The following PHACTR4 variants were observed in gnomAD, a reference collection of about 807,000 sequenced individuals.
PHACTR4 encodes protein phosphatase 1, regulatory subunit 124.
In PHACTR4, 51 loss-of-function variants were observed where a neutral mutation model predicts 72.7. The ratio of observed to expected loss-of-function variants is 0.70; its 90% CI spans 0.56 to 0.89. PHACTR4 has a LOEUF of 0.89. PHACTR4 is among the 40% of genes least tolerant of loss of function. The probability of loss-of-function intolerance (pLI) is 0.00; values close to 1 mark genes in which losing one functional copy is unlikely to be tolerated. For missense variants in PHACTR4, 731 were observed against 861.8 expected (o/e 0.85, Z 1.90); for synonymous variants, 255 against 302.5 (o/e 0.84, Z 1.63).
At chr1:28,417,330 A>G (rs777696352) in intron 2 of PHACTR4, among the ~76,000 whole-genome samples, 1 of 152,198 alleles carries the variant, frequency 6.6e-6, no homozygotes, top group Non-Finnish European at 1.5e-5. Flanking sequence ...TCCTGTATAT[A>G]CATACATACA....
At chr1:28,463,246 G>C (rs1658934625) in intron 4 of PHACTR4, among the ~76,000 whole-genome samples, 1 of 151,874 alleles carries the variant, frequency 6.6e-6, no homozygotes, top group Non-Finnish European at 1.5e-5. Flanking sequence ...GTGCTAACTT[G>C]ACTGTACTGT....
intron 2 of PHACTR4, among the ~76,000 whole-genome samples, chr1:28,440,380 C>G (rs78843553): frequency 4.8e-4 from 62 of 129,452 alleles, no homozygotes; most frequent in African/African-American, 1.8e-3. Context: ...AAGTAAGAAT[C>G]AAATTCATCA....
intron 9 of PHACTR4, among the ~76,000 whole-genome samples, chr1:28,488,894 A>G (rs1460744814): frequency 6.6e-6 from 1 of 152,170 alleles, no homozygotes. Context: ...GGTCTAACTG[A>G]ACTTTTTTGT....
At chr1:28,394,605 T>C (rs1277908980) in intron 1 of PHACTR4, among the ~76,000 whole-genome samples, 8 of 151,614 alleles carry the variant, frequency 5.3e-5, no homozygotes, top group Admixed American at 2.6e-4. Context: ...TTTCTTTTTT[T>C]TTTTTTTGGA....
At chr1:28,380,999 ATTTTTTGAATTTTT>A (rs1215649856) in intron 1 of PHACTR4, among the ~76,000 whole-genome samples, 2 of 139,798 alleles carry the variant, frequency 1.4e-5, no homozygotes, top group Non-Finnish European at 3.0e-5. Flanking sequence ...CGCCAGCATT[ATTTTTTGAATTTTT>A]TTTTTTTTTT....
At chr1:28,389,915 T>A (rs1407804286) in intron 1 of PHACTR4, among the ~76,000 whole-genome samples, 1 of 152,186 alleles carries the variant, frequency 6.6e-6, no homozygotes, top group African/African-American at 2.4e-5. Flanking sequence ...ATCTGTACGC[T>A]CATGTTCATT....
At chr1:28,450,091 G>A (rs1244105480) in intron 2 of PHACTR4, among the ~76,000 whole-genome samples, 1 of 151,974 alleles carries the variant, frequency 6.6e-6, no homozygotes, top group African/African-American at 2.4e-5. Flanking sequence ...ACTCCAAACT[G>A]TAATTTGGTT....
chr1:28,372,902 T>C (rs1430660054), intron 1 of PHACTR4, among the ~76,000 whole-genome samples: 1 of 151,880 alleles, frequency 6.6e-6, no homozygotes, highest in East Asian at 1.9e-4. Flanking sequence ...GCAGTTACTA[T>C]TGACTATTGC....
chr1:28,487,537 A>AAAAAG (rs1553205919), intron 9 of PHACTR4, among the ~76,000 whole-genome samples: 2 of 146,372 alleles, frequency 1.4e-5, no homozygotes, highest in Admixed American at 6.8e-5. Context: ...AAAAAAAAAA[A>AAAAAG]GGAAGGTCTT....
intron 1 of PHACTR4, among the ~76,000 whole-genome samples, chr1:28,371,398 G>A (rs975706136): frequency 2.0e-5 from 3 of 152,102 alleles, no homozygotes; most frequent in Non-Finnish European, 4.4e-5. Flanking sequence ...AGGTTGAAGC[G>A]ATTCTCCTGC....
intron 2 of PHACTR4, among the ~76,000 whole-genome samples, chr1:28,425,315 C>T (rs977072179): frequency 1.3e-5 from 2 of 151,564 alleles, no homozygotes; most frequent in Admixed American, 6.6e-5. Context: ...GACAGGGTTT[C>T]ACCATGTTGG....
rs1659723032 is a variant in PHACTR4, at chr1:28,473,648, C to A, written c.918C>A (p.Pro306=). The A allele has an allele frequency of 6.2e-7, 1 of 1,614,052 alleles. No individual in the cohort carries two copies. Among genetic ancestry groups the A allele is most frequent in the Admixed American group, 1.7e-5 (1 of 59,996 alleles). ...PKRGIPSTSV[P]TLESAAAITT... The stretch of plus-strand genomic sequence containing the variant: ...GAGGCATTCCATCAACCTCAGTACC[C>A]ACCTTGGAGTCTGCTGCTGCCATCA... Residue 306 remains proline (P), a synonymous_variant, in exon 7 of 14, where the codon CCC becomes CCA. Coordinates refer to ENST00000373839, the MANE Select transcript of PHACTR4 (RefSeq NM_001048183.3).
intron 2 of PHACTR4, among the ~76,000 whole-genome samples, chr1:28,417,948 C>CAAAAAAA (rs745690078): frequency 1.2e-5 from 1 of 83,498 alleles, no homozygotes; most frequent in Non-Finnish European, 2.5e-5. Flanking sequence ...GGAGACCCTA[C>CAAAAAAA]AAAAAAAAAA....
intron 1 of PHACTR4, among the ~76,000 whole-genome samples, chr1:28,397,606 T>C (rs941958208): frequency 6.6e-6 from 1 of 152,204 alleles, no homozygotes; most frequent in African/African-American, 2.4e-5. Context: ...AGTAGATTAA[T>C]TTATATTTGT....
At chr1:28,397,971 C>G (rs936856253) in intron 1 of PHACTR4, among the ~76,000 whole-genome samples, 18 of 151,928 alleles carry the variant, frequency 1.2e-4, no homozygotes, top group Non-Finnish European at 2.4e-4. Flanking sequence ...CCTCGGCCTC[C>G]CAAAGTGCTG....
At chr1:28,456,061 A>G (rs931354701) in intron 2 of PHACTR4, among the ~76,000 whole-genome samples, 1 of 151,976 alleles carries the variant, frequency 6.6e-6, no homozygotes, top group Admixed American at 6.6e-5. Context: ...AGGTCCCTGT[A>G]TTAAGCCATT....
chr1:28,402,139 T>C (rs1040799656), intron 1 of PHACTR4, among the ~76,000 whole-genome samples: 2 of 152,154 alleles, frequency 1.3e-5, no homozygotes, highest in Non-Finnish European at 2.9e-5. Context: ...TGACACCTTG[T>C]TGAACAACTA....
chr1:28,463,897 G>GT (rs1030562606), intron 4 of PHACTR4, among the ~76,000 whole-genome samples: 2 of 151,832 alleles, frequency 1.3e-5, no homozygotes, highest in African/African-American at 2.4e-5. Flanking sequence ...CACCCAGCTA[G>GT]TTTTTTTACT....
chr1:28,369,880 G>GGCT (rs1651081163), intron 1 of PHACTR4, 55 bp downstream of exon 1: 3 of 423,612 alleles, frequency 7.1e-6, no homozygotes, highest in Non-Finnish European at 1.4e-5. Flanking sequence ...TCAGGCTGCG[G>GGCT]CCTCCTCTCA....
Sources: allele counts gnomAD v4.1 joint callset (sites outside exome capture counted in the v4.1 genomes callset), GRCh38; gene constraint gnomAD v4.1.1; transcripts MANE v1.5; gene names NCBI Gene and HGNC (gene_info 2026-07-23, HGNC 2026-07-21).